The following ADAM10 variants were observed in gnomAD, a reference collection of about 807,000 sequenced individuals.
ADAM10 encodes the protein ADAM metallopeptidase domain 10.
In ADAM10, 17 loss-of-function variants were observed where a neutral mutation model predicts 90.1. The observed-to-expected ratio is 0.19, with a 90% CI of 0.13 to 0.28. ADAM10 has a LOEUF of 0.28. ADAM10 is among the 10% of genes least tolerant of loss of function. The pLI, the probability that ADAM10 is intolerant of heterozygous loss-of-function variation, is 1.00. For missense variants in ADAM10, 610 were observed against 914.3 expected, an observed-to-expected ratio of 0.67 and a Z score of 4.29; for synonymous variants, 310 against 298.6, an observed-to-expected ratio of 1.04 and a Z score of -0.40.
intron 5 of ADAM10, among the ~76,000 whole-genome samples, chr15:58,661,470 CTA>C (rs1290273882): frequency 1.3e-5 from 2 of 152,082 alleles, no homozygotes; most frequent in Non-Finnish European, 2.9e-5. Context: ...AGATGTTATT[CTA>C]TGTCTTCCAG....
intron 11 of ADAM10, among the ~76,000 whole-genome samples, chr15:58,618,473 A>G (rs1174082144): frequency 2.0e-5 from 3 of 152,226 alleles, no homozygotes; most frequent in Non-Finnish European, 4.4e-5. Flanking sequence ...TTTTTGAGTA[A>G]GACCTCAATA....
intron 12 of ADAM10, 29 bp from the exon 13 acceptor site, chr15:58,611,136 T>TA: frequency 6.6e-7 from 1 of 1,523,200 alleles, no homozygotes; most frequent in Non-Finnish European, 9.1e-7. Flanking sequence ...ACAAATTGTT[T>TA]AATCCCTATA....
At chr15:58,674,054 T>A (rs1897259941) in intron 4 of ADAM10, among the ~76,000 whole-genome samples, 1 of 152,114 alleles carries the variant, frequency 6.6e-6, no homozygotes, top group Non-Finnish European at 1.5e-5. Context: ...TTTTGTGATT[T>A]TTTTTTAACT....
chr15:58,598,394 T>C (rs573396257), intron 15 of ADAM10, among the ~76,000 whole-genome samples: 1 of 152,328 alleles, frequency 6.6e-6, no homozygotes, highest in Admixed American at 6.5e-5. Flanking sequence ...ACTAACATTG[T>C]GAACTTAAGA....
At position 58,620,738 on chromosome 15, in the gene ADAM10, G is replaced by A. The variant is rs545979590; in HGVS notation, c.1511+733C>T. On this transcript the variant is annotated intron_variant, in intron 11 of 15. Transcript: ENST00000260408. ...CTGCGGACTGCAGTGGCGCAATCTC[G>A]GCTCACTGCAAGCTCCGCTTCCCGG... Among the ~76,000 whole-genome samples, 332 of 39,708 alleles carry A rather than the reference G, an allele frequency of 8.4e-3. 73 individuals carry two copies. The highest frequency in any genetic ancestry group is 0.019 in the African/African-American group (46 of 2,470). The allele number at this position is 39,708 out of a possible 152,430, so 26.0% of individuals were successfully genotyped here.
At chr15:58,698,452 T>A (rs1260089650) in intron 2 of ADAM10, 3 of 297,422 alleles carry the variant, frequency 1.0e-5, no homozygotes, top group Non-Finnish European at 1.9e-5. Flanking sequence ...GGCGTGAACC[T>A]GTAGTCCCAA....
intron 4 of ADAM10, among the ~76,000 whole-genome samples, chr15:58,666,277 G>A (rs186363631): frequency 6.7e-6 from 1 of 150,148 alleles, no homozygotes; most frequent in East Asian, 2.1e-4. Context: ...CCCCTGAAGG[G>A]AGTTGATGGT....
At chr15:58,666,068 T>C (rs74017265) in intron 4 of ADAM10, among the ~76,000 whole-genome samples, 7,564 of 151,630 alleles carry the variant, frequency 0.05, 644 homozygotes, top group African/African-American at 0.17. Context: ...TTTCCACCAC[T>C]TATCTTTTCA....
intron 5 of ADAM10, among the ~76,000 whole-genome samples, chr15:58,646,730 T>C (rs1377708107): frequency 6.6e-6 from 1 of 152,246 alleles, no homozygotes; most frequent in East Asian, 1.9e-4. Flanking sequence ...GAATATGTCA[T>C]CCACCTCAAT....
intron 14 of ADAM10, among the ~76,000 whole-genome samples, chr15:58,605,374 A>G (rs1895240619): frequency 6.6e-6 from 1 of 152,216 alleles, no homozygotes; most frequent in South Asian, 2.1e-4. Context: ...CAATAGACAA[A>G]AGACAGTAAG....
chr15:58,695,973 G>A (rs1054474258), intron 2 of ADAM10, among the ~76,000 whole-genome samples: 6 of 151,876 alleles, frequency 4.0e-5, no homozygotes, highest in African/African-American at 7.3e-5. Context: ...AAAATGAGCC[G>A]GTTGTGATGA....
chr15:58,626,515 C>A (rs1895950149), intron 10 of ADAM10, among the ~76,000 whole-genome samples: 1 of 151,820 alleles, frequency 6.6e-6, no homozygotes, highest in African/African-American at 2.4e-5. Context: ...CACAAAAAAA[C>A]CCTAATACAA....
At chr15:58,687,311 G>A (rs1437921245) in intron 2 of ADAM10, among the ~76,000 whole-genome samples, 2 of 152,164 alleles carry the variant, frequency 1.3e-5, no homozygotes, top group East Asian at 1.9e-4. Flanking sequence ...GTATTCTTAC[G>A]TTCCTCTACT....
intron 6 of ADAM10, 46 bp from the exon 7 acceptor site, chr15:58,644,024 G>A: frequency 1.5e-6 from 2 of 1,377,890 alleles, no homozygotes; most frequent in Non-Finnish European, 2.1e-6. Flanking sequence ...GTTGAAATAT[G>A]AAAAAGATTA....
At position 58,694,981 on chromosome 15, in the gene ADAM10, T is replaced by C. The variant is rs145934890; in HGVS notation, c.207-12667A>G. Among the ~76,000 whole-genome samples the C allele has an allele frequency of 3.5e-3, 529 of 152,324 alleles. 6 individuals carry two copies. The highest frequency in any genetic ancestry group is 0.012 in the African/African-American group (490 of 41,560). On this transcript the variant is annotated intron_variant, in intron 2 of 15. Coordinates refer to ENST00000260408, the MANE Select transcript of ADAM10 (RefSeq NM_001110.4). ...TTTCAATGGCAGTTGCCTAAGTATA[T>C]ACATTTGCCAAAATGCACCTCTAAC...
intron 1 of ADAM10, among the ~76,000 whole-genome samples, chr15:58,728,357 C>T (rs1178362242): frequency 6.6e-6 from 1 of 152,096 alleles, no homozygotes; most frequent in Non-Finnish European, 1.5e-5. Flanking sequence ...AAATATACTT[C>T]TCAAAATTTA....
At chr15:58,610,147 C>A (rs1002643970) in intron 14 of ADAM10, 150 bp downstream of exon 14, 4 of 734,800 alleles carry the variant, frequency 5.4e-6, no homozygotes, top group Non-Finnish European at 7.0e-6. Flanking sequence ...GAAATAATAA[C>A]CAGAAATATT....
intron 5 of ADAM10, among the ~76,000 whole-genome samples, chr15:58,647,246 G>GTCTTTTTTTTTTTTTTTTTT (rs1323960397): frequency 2.7e-5 from 1 of 36,828 alleles, no homozygotes; most frequent in Admixed American, 2.9e-4. Context: ...TAGACACTAA[G>GTCTTTTTTTTTTTTTTTTTT]TATTTTTTTT....
intron 5 of ADAM10, among the ~76,000 whole-genome samples, chr15:58,650,902 T>C (rs570902391): frequency 1.1e-4 from 16 of 152,280 alleles, no homozygotes; most frequent in African/African-American, 3.8e-4. Context: ...CATAAAATTT[T>C]ATACAAAGTT....
Sources: allele counts gnomAD v4.1 joint callset (sites outside exome capture counted in the v4.1 genomes callset), GRCh38; gene constraint gnomAD v4.1.1; transcripts MANE v1.5; gene names NCBI Gene and HGNC (gene_info 2026-07-23, HGNC 2026-07-21).